Variants in ZNF768 observed in about 807,000 individuals in gnomAD.
ZNF768 encodes zinc finger protein 768.
A neutral mutation model predicts 39.7 loss-of-function variants in ZNF768; 12 were observed. That is an observed-to-expected ratio of 0.30 (90% confidence interval 0.19 to 0.49). The LOEUF (loss-of-function observed/expected upper bound fraction) is 0.49, where lower values mean the gene tolerates loss of function less well. Ranked by LOEUF, ZNF768 falls within the 20% of genes least tolerant of loss-of-function variation. The probability of loss-of-function intolerance (pLI) is 0.99; values close to 1 mark genes in which losing one functional copy is unlikely to be tolerated. For synonymous variants in ZNF768, 360 were observed against 288.4 expected, an observed-to-expected ratio of 1.25 and a Z score of -2.52; for missense variants, 613 against 723.2, an observed-to-expected ratio of 0.85 and a Z score of 1.75.
At chr16:30,528,260 A>G (rs1323421698), upstream of ZNF768, 5 of 152,202 alleles carry the variant, frequency 3.3e-5, no homozygotes, top group East Asian at 9.6e-4. Flanking sequence ...CTATCTAAAT[A>G]AAGGCTTACA....
In ZNF768 at chr16:30,524,219, C is replaced by T. The variant is rs557640844; in HGVS notation, c.*298G>A. 23 of 343,538 alleles carry T rather than the reference C, an allele frequency of 6.7e-5. 1 individual carries two copies. In the Admixed American group the frequency reaches 8.5e-4, roughly 13 times the overall value. The allele number at this position is 343,538 out of a possible 1,614,324, so 21.3% of individuals were successfully genotyped here. On this transcript the variant is annotated 3_prime_UTR_variant, in exon 2 of 2. Coordinates refer to ENST00000380412, the MANE Select transcript of ZNF768 (RefSeq NM_024671.4). ...AATTAGGTAATCCCCTGCCCTCCCC[C>T]CTCCCTGCTCTAGCAGTTGCCAAGC...
Position 30,525,829 on chromosome 16 carries a change from C to A in ZNF768, c.311G>T (p.Ser104Ile), listed in dbSNP as rs146820914. 1.1e-4 allele frequency: 176 copies of A among 1,534,466 alleles called. No individual in the cohort carries two copies. The highest frequency in any genetic ancestry group is 3.8e-4 in the Middle Eastern group (2 of 5,306). ...VPPSPEFAPRSPESDSQSPEF... is the reference protein window; with the variant it reads ...VPPSPEFAPRIPESDSQSPEF... Reference sequence around the variant, plus strand: ...AGGGCTCTGAGAATCTGATTCAGGGCTTCTGGGTGCAAACTCAGGGCTTGG... The same window carrying A: ...AGGGCTCTGAGAATCTGATTCAGGGATTCTGGGTGCAAACTCAGGGCTTGG... Residue 104 changes from serine (S) to isoleucine (I), a missense_variant, in exon 2 of 2, where the codon AGC becomes ATC. Transcript: ENST00000380412.
rs754744370 is a variant in ZNF768 at position 30,525,630 on chromosome 16, G to C, written c.510C>G (p.Phe170Leu). 1 of 1,614,240 alleles carries C rather than the reference G, an allele frequency of 6.2e-7. No homozygotes were observed. The highest frequency in any genetic ancestry group is 2.2e-5 in the East Asian group (1 of 44,894). ...TCAGAAGCATCTCCGCACCTTCCTG[G>C]AATTTGGAACTTTGAGCTTCAAATT... ...SPEFEAQSSK[F>L]QEGAEMLLNP... The change falls in exon 2 of 2, where the codon TTC (phenylalanine) becomes TTG (leucine). Residue 170 changes from phenylalanine to leucine, a missense_variant. By Grantham distance (22) the Phe-to-Leu change is conservative. This residue lies in a region of ZNF768 where 347 missense variants were observed against 326.1 expected (regional missense o/e 1.06). Coordinates refer to ENST00000380412, the MANE Select transcript of ZNF768 (RefSeq NM_024671.4).
rs767445725 is a variant in ZNF768 at position 30,525,729 on chromosome 16, GGGTTCATACCCGGGGCTCCGA to G, written c.390_410del (p.Pro137_Glu143del). On this transcript the variant is annotated inframe_deletion, in exon 2 of 2. Transcript: ENST00000380412. ...TCTCAGATTCATAGCCAGGGCTCCG[GGGTTCATACCCGGGGCTCCGA>G]GGTTCATAGCCAGGGCTTTGGGGTT... 12 of 1,611,806 alleles carry G rather than the reference GGGTTCATACCCGGGGCTCCGA, an allele frequency of 7.4e-6. No homozygotes were observed. Among genetic ancestry groups the G allele is most frequent in the Middle Eastern group, 1.7e-4 (1 of 5,992 alleles).
At chr16:30,527,215 G>C (rs1403096173), upstream of ZNF768, 2 of 985,236 alleles carry the variant, frequency 2.0e-6, no homozygotes, top group African/African-American at 3.5e-5. Context: ...CCTTGGCCTC[G>C]CCGAGGTCCT....
In ZNF768 at chr16:30,524,835, G is replaced by C. The variant is rs752793430; in HGVS notation, c.1305C>G (p.Gly435=). The change falls in exon 2 of 2, where the codon GGC becomes GGG. Residue 435 remains glycine, a synonymous_variant. Transcript: ENST00000380412. ...GCACCGAGCTCTGGCCAAAGCGCTT[G>C]CCGCACTCAGGGCACTTGAAGGGCT... ...REKPFKCPEC[G]KRFGQSSVLA... The C allele has an allele frequency of 7.4e-6, 12 of 1,610,796 alleles. No homozygotes were observed. The highest frequency in any genetic ancestry group is 1.7e-5 in the Admixed American group (1 of 60,004).
chr16:30,528,921 C>T (rs1259336785), upstream of ZNF768, among the ~76,000 whole-genome samples: 2 of 152,176 alleles, frequency 1.3e-5, no homozygotes, highest in South Asian at 2.1e-4. Flanking sequence ...AAATGGGTGG[C>T]GAGACCTCCA....
chr16:30,527,395 A>T (rs2051337405), upstream of ZNF768: 11 of 893,154 alleles, frequency 1.2e-5, no homozygotes, highest in Non-Finnish European at 1.5e-5. Flanking sequence ...TCCCAGAGGC[A>T]CAGCTTCTCC....
At position 30,526,029 on chromosome 16, in the gene ZNF768, T is replaced by C; in HGVS notation, c.111A>G (p.Glu37=). ...YLRGNMSENE[E]EEISQQEGSG... ...TGCCTTCTTGCTGAGAAATTTCCTCTTCCTCATTCTCACTCATGTTGCCTG... is the reference window on the plus strand; with the variant it reads ...TGCCTTCTTGCTGAGAAATTTCCTCCTCCTCATTCTCACTCATGTTGCCTG... Residue 37 remains glutamate, a synonymous_variant, in exon 2 of 2, where the codon GAA becomes GAG. Coordinates refer to ENST00000380412, the MANE Select transcript of ZNF768 (RefSeq NM_024671.4). 1 of 1,496,318 alleles carries C rather than the reference T, an allele frequency of 6.7e-7. No homozygotes were observed. The highest frequency in any genetic ancestry group is 8.9e-7 in the Non-Finnish European group (1 of 1,126,314). 92.7% of individuals were successfully genotyped at this position (1,496,318 alleles called of 1,614,324 possible).
In ZNF768 at chr16:30,525,515, C is replaced by T; in HGVS notation, c.625G>A (p.Asp209Asn). The part of the protein sequence containing the change: ...TQGFGEQPTG[D>N]LPIGPPFEMP... The stretch of plus-strand genomic sequence containing the variant: ...TCAAAAGGTGGCCCTATGGGCAGGT[C>T]CCCTGTGGGCTGCTCCCCAAACCCC... Residue 209 changes from aspartate (D) to asparagine (N), a missense_variant, in exon 2 of 2, where the codon GAC (aspartate) becomes AAC (asparagine). Around this residue, in one of 4 missense-constraint regions of ZNF768, gnomAD observed 347 missense variants for 326.1 expected, o/e 1.06. Transcript: ENST00000380412. 3 of 1,614,176 alleles carry T rather than the reference C, an allele frequency of 1.9e-6. No homozygotes were observed. The highest frequency in any genetic ancestry group is 8.5e-7 in the Non-Finnish European group (1 of 1,180,022).
chr16:30,527,126 CG>C, upstream of ZNF768: 4 of 985,422 alleles, frequency 4.1e-6, no homozygotes, highest in Non-Finnish European at 4.8e-6. Context: ...CCGGCGCCAG[CG>C]GGGGCGGTGT....
chr16:30,529,332 T>C (rs544178287), upstream of ZNF768, among the ~76,000 whole-genome samples: 1 of 152,338 alleles, frequency 6.6e-6, no homozygotes, highest in African/African-American at 2.4e-5. Flanking sequence ...AGTCAGGTGG[T>C]CACTTTGTTC....
chr16:30,532,434 G>T, the ZNF768 span: 10 of 1,528,830 alleles, frequency 6.5e-6, no homozygotes, highest in Non-Finnish European at 7.9e-6. Flanking sequence ...GGCCGCTGCA[G>T]AGGTTCGGGC....
chr16:30,531,141 C>T (rs1052643668), upstream of ZNF768: 2 of 152,208 alleles, frequency 1.3e-5, no homozygotes, highest in African/African-American at 2.4e-5. Flanking sequence ...AAATACTTCC[C>T]TTTCTTCTTT....
chr16:30,529,262 G>C (rs2051351031), upstream of ZNF768, among the ~76,000 whole-genome samples: 1 of 152,244 alleles, frequency 6.6e-6, no homozygotes, highest in Admixed American at 6.5e-5. Flanking sequence ...AGAAACTTGG[G>C]GAGTCCACTG....
upstream of ZNF768, among the ~76,000 whole-genome samples, chr16:30,529,800 A>G (rs184916628): frequency 6.7e-6 from 1 of 150,278 alleles, no homozygotes; most frequent in Non-Finnish European, 1.5e-5. Flanking sequence ...TAGATGAGGA[A>G]CTGGGCCCAG....
upstream of ZNF768, among the ~76,000 whole-genome samples, chr16:30,528,795 G>A (rs1176289523): frequency 3.9e-5 from 6 of 152,132 alleles, no homozygotes; most frequent in Non-Finnish European, 8.8e-5. Flanking sequence ...GTACCCTCTG[G>A]TCATCCCCAA....
chr16:30,526,864 C>T, upstream of ZNF768: 2 of 985,302 alleles, frequency 2.0e-6, no homozygotes, highest in Non-Finnish European at 2.4e-6. Flanking sequence ...GCGCCGCGGC[C>T]TCTCTAGGAG....
In ZNF768 at chr16:30,525,296, T is replaced by C. The variant is rs774869388; in HGVS notation, c.844A>G (p.Ile282Val). ...RGSTLIQHQRIHTGEKPYKCE... is the reference protein window; with the variant it reads ...RGSTLIQHQRVHTGEKPYKCE... ...TTGTAGGGCTTCTCACCGGTGTGGATGCGCTGGTGCTGGATCAGGGTGGAG... is the reference window on the plus strand; with the variant it reads ...TTGTAGGGCTTCTCACCGGTGTGGACGCGCTGGTGCTGGATCAGGGTGGAG... The change falls in exon 2 of 2, where the codon ATC (isoleucine) becomes GTC (valine). Residue 282 changes from isoleucine (I) to valine (V), a missense_variant. This residue lies in a region of ZNF768 where 40 missense variants were observed against 52.0 expected (regional missense o/e 0.77). Transcript: ENST00000380412. 2.5e-6 allele frequency: 4 copies of C among 1,614,010 alleles called. No individual in the cohort carries two copies. The Admixed American group carries it at 5.0e-5, about 20-fold the overall frequency.
Sources: gnomAD v4.1 joint callset for allele counts (sites outside exome capture counted in the v4.1 genomes callset) on GRCh38, gnomAD v4.1.1 for gene constraint, gnomAD v4.1.1 regional missense constraint, MANE v1.5 for transcripts, NCBI Gene and HGNC (gene_info 2026-07-23, HGNC 2026-07-21) for gene names.